The following SPOCK1 variants were observed in gnomAD, a reference collection of about 807,000 sequenced individuals.
The protein encoded by SPOCK1 is SPARC (osteonectin), cwcv and kazal like domains proteoglycan 1.
In SPOCK1, 23 loss-of-function variants were observed where a neutral mutation model predicts 55.3. The observed-to-expected ratio is 0.42, with a 90% CI of 0.30 to 0.59. SPOCK1 has a LOEUF of 0.59. SPOCK1 is among the 20% of genes least tolerant of loss of function. The pLI is 0.22. For synonymous variants in SPOCK1, 226 were observed against 221.0 expected (o/e 1.02, Z -0.20); for missense variants, 499 against 552.5 (o/e 0.90, Z 0.97).
intron 3 of SPOCK1, among the ~76,000 whole-genome samples, chr5:137,162,700 G>A (rs1280288864): frequency 1.3e-5 from 2 of 152,046 alleles, no homozygotes; most frequent in Non-Finnish European, 1.5e-5. Flanking sequence ...TTATAAAGTC[G>A]ACAAACTCTA....
intron 2 of SPOCK1, among the ~76,000 whole-genome samples, chr5:137,394,583 T>C (rs1751801785): frequency 6.6e-6 from 1 of 152,192 alleles, no homozygotes; most frequent in Admixed American, 6.5e-5. Flanking sequence ...CCACAGGCTA[T>C]ACCCTTTAAA....
At chr5:137,347,757 A>C (rs1750591154) in intron 2 of SPOCK1, among the ~76,000 whole-genome samples, 1 of 152,116 alleles carries the variant, frequency 6.6e-6, no homozygotes, top group African/African-American at 2.4e-5. Context: ...ACAAACAAAA[A>C]AAAACCAGTC....
intron 3 of SPOCK1, among the ~76,000 whole-genome samples, chr5:137,239,294 G>T (rs1435993830): frequency 1.3e-5 from 2 of 152,226 alleles, no homozygotes; most frequent in African/African-American, 2.4e-5. Context: ...ACTCCACAGG[G>T]AAACTCCTGC....
chr5:136,980,824 A>G (rs1425323519), intron 9 of SPOCK1, among the ~76,000 whole-genome samples: 3 of 152,162 alleles, frequency 2.0e-5, no homozygotes, highest in Non-Finnish European at 4.4e-5. Flanking sequence ...TATGCTCTAG[A>G]GATTTTTTTA....
rs755506669 is a variant in SPOCK1 at position 137,166,435 on chromosome 5, G to GA, written c.233-25742dup. Among the ~76,000 whole-genome samples, 282 of 137,622 alleles carry GA rather than the reference G, an allele frequency of 2.0e-3. 2 individuals carry two copies. The East Asian group carries it at 0.024, about 12-fold the overall frequency. 90.3% of individuals were successfully genotyped at this position (137,622 alleles called of 152,430 possible). On this transcript the variant is annotated intron_variant, in intron 3 of 10. Transcript: ENST00000394945. Reference sequence around the variant, plus strand: ...AATGCTAAAGGGAGTACTTCAATTAGAAAAAAAAAAAGACATTAATGAGCA... The same window carrying GA: ...AATGCTAAAGGGAGTACTTCAATTAGAAAAAAAAAAAAGACATTAATGAGCA...
At chr5:137,110,317 G>T (rs1030937249) in intron 5 of SPOCK1, among the ~76,000 whole-genome samples, 1 of 152,224 alleles carries the variant, frequency 6.6e-6, no homozygotes, top group Admixed American at 6.5e-5. Context: ...TACTAAAAGT[G>T]TGGTCTGTGG....
chr5:137,259,291 A>G (rs1484374078), intron 3 of SPOCK1, among the ~76,000 whole-genome samples: 3 of 152,212 alleles, frequency 2.0e-5, no homozygotes, highest in African/African-American at 4.8e-5. Flanking sequence ...CATATACACC[A>G]TGGAATACTA....
intron 2 of SPOCK1, among the ~76,000 whole-genome samples, chr5:137,423,402 C>A (rs1752543029): frequency 6.6e-6 from 1 of 152,230 alleles, no homozygotes; most frequent in Non-Finnish European, 1.5e-5. Flanking sequence ...CAGAGGCAGG[C>A]AGGCCTCCTT....
intron 2 of SPOCK1, among the ~76,000 whole-genome samples, chr5:137,404,749 C>T (rs1316533406): frequency 1.3e-5 from 2 of 152,010 alleles, no homozygotes; most frequent in Non-Finnish European, 2.9e-5. Flanking sequence ...TTGGTACAGG[C>T]CAAACAAACC....
At chr5:137,475,784 A>T (rs1753826240) in intron 2 of SPOCK1, among the ~76,000 whole-genome samples, 1 of 152,074 alleles carries the variant, frequency 6.6e-6, no homozygotes, top group Non-Finnish European at 1.5e-5. Context: ...TATGTGGCCC[A>T]GGCTGGTCTT....
chr5:137,490,713 C>T (rs1353828082), intron 2 of SPOCK1, among the ~76,000 whole-genome samples: 1 of 152,174 alleles, frequency 6.6e-6, no homozygotes. Context: ...CAGTTGCATA[C>T]AAACCCCCTC....
intron 2 of SPOCK1, among the ~76,000 whole-genome samples, chr5:137,333,984 T>C (rs572882407): frequency 2.0e-5 from 3 of 152,190 alleles, no homozygotes; most frequent in African/African-American, 7.2e-5. Context: ...ATGAAGCAGG[T>C]TGGGTAGTTT....
At chr5:137,440,460 AG>A (rs1220805458) in intron 2 of SPOCK1, among the ~76,000 whole-genome samples, 3 of 152,236 alleles carry the variant, frequency 2.0e-5, no homozygotes, top group African/African-American at 7.2e-5. Context: ...CAAGAGCTAC[AG>A]GAATGATTAC....
At chr5:137,361,411 G>T (rs575826905) in intron 2 of SPOCK1, among the ~76,000 whole-genome samples, 3 of 152,212 alleles carry the variant, frequency 2.0e-5, no homozygotes, top group Non-Finnish European at 4.4e-5. Flanking sequence ...CAGGGTCTGG[G>T]ATATAAGAGG....
chr5:136,998,178 G>GT (rs1361163069), intron 6 of SPOCK1, among the ~76,000 whole-genome samples: 1 of 152,082 alleles, frequency 6.6e-6, no homozygotes, highest in Non-Finnish European at 1.5e-5. Flanking sequence ...ATTGTTGTGC[G>GT]TTTTTTAAGC....
At chr5:137,028,353 A>G (rs1751715846) in intron 6 of SPOCK1, among the ~76,000 whole-genome samples, 1 of 152,230 alleles carries the variant, frequency 6.6e-6, no homozygotes, top group Non-Finnish European at 1.5e-5. Context: ...TCTAAATGAC[A>G]GAATACAGGA....
At chr5:137,404,854 T>C (rs896720412) in intron 2 of SPOCK1, among the ~76,000 whole-genome samples, 6 of 152,140 alleles carry the variant, frequency 3.9e-5, no homozygotes, top group Non-Finnish European at 8.8e-5. Flanking sequence ...TACTGATATA[T>C]AAAGAAATAC....
At chr5:136,985,272 C>G (rs1371479418) in intron 8 of SPOCK1, 70 bp from the exon 9 acceptor site, 2 of 1,392,596 alleles carry the variant, frequency 1.4e-6, no homozygotes, top group Non-Finnish European at 2.0e-6. Flanking sequence ...TGACTTCACT[C>G]TTGATGTGAA....
intron 5 of SPOCK1, among the ~76,000 whole-genome samples, chr5:137,095,997 G>T (rs1316867167): frequency 1.3e-5 from 2 of 152,104 alleles, no homozygotes; most frequent in Admixed American, 6.5e-5. Context: ...GCAGGGGGAA[G>T]GAGGGAGCCT....
Sources: allele counts gnomAD v4.1 joint callset (sites outside exome capture counted in the v4.1 genomes callset), GRCh38; gene constraint gnomAD v4.1.1; transcripts MANE v1.5; gene names NCBI Gene and HGNC (gene_info 2026-07-23, HGNC 2026-07-21).